CNTNAP2: variants seen among roughly 807,000 people sequenced by gnomAD.
CNTNAP2 encodes contactin-associated protein-like 2.
CNTNAP2 carries 98 observed loss-of-function variants against 155.2 expected under a neutral mutation model. That is an observed-to-expected ratio of 0.63 (90% CI 0.54 to 0.75). The LOEUF (loss-of-function observed/expected upper bound fraction) is 0.75. Among genes scored for constraint, CNTNAP2 ranks in the 30% least tolerant of loss-of-function variants. The pLI, the probability that CNTNAP2 is intolerant of heterozygous loss-of-function variation, is 0.00. For missense variants in CNTNAP2, 1,727 were observed against 1,688.1 expected (o/e 1.02, Z -0.40); for synonymous variants, 651 against 631.2 (o/e 1.03, Z -0.47).
At chr7:147,359,393 T>C (rs1796112391) in intron 9 of CNTNAP2, among the ~76,000 whole-genome samples, 1 of 152,144 alleles carries the variant, frequency 6.6e-6, no homozygotes, top group African/African-American at 2.4e-5. Context: ...TTCATCTCCC[T>C]TTTCCACCCT....
chr7:146,602,944 C>A (rs1798973952), intron 1 of CNTNAP2, among the ~76,000 whole-genome samples: 2 of 151,670 alleles, frequency 1.3e-5, no homozygotes, highest in Admixed American at 1.3e-4. Context: ...CAGATAACAG[C>A]ATGATTTTGC....
intron 15 of CNTNAP2, among the ~76,000 whole-genome samples, chr7:148,035,420 G>C (rs370759476): frequency 6.6e-6 from 1 of 152,232 alleles, no homozygotes; most frequent in South Asian, 2.1e-4. Flanking sequence ...GGGCGGCCTA[G>C]GGACTCTACT....
chr7:148,054,660 A>T (rs2707568), intron 15 of CNTNAP2, among the ~76,000 whole-genome samples: 2 of 151,966 alleles, frequency 1.3e-5, no homozygotes, highest in African/African-American at 4.8e-5. Context: ...TAACTCCAGG[A>T]TGTGTTCACA....
chr7:146,701,612 G>A (rs1260193229), intron 1 of CNTNAP2, among the ~76,000 whole-genome samples: 1 of 151,806 alleles, frequency 6.6e-6, no homozygotes, highest in Admixed American at 6.6e-5. Flanking sequence ...AATCCTACAG[G>A]CATTTAAATA....
intron 18 of CNTNAP2, among the ~76,000 whole-genome samples, chr7:148,184,729 T>C (rs1369061712): frequency 6.6e-6 from 1 of 152,304 alleles, no homozygotes; most frequent in East Asian, 1.9e-4. Flanking sequence ...GGGAATCTTA[T>C]ATTATATAGA....
At chr7:147,268,443 T>A (rs1359206824) in intron 8 of CNTNAP2, among the ~76,000 whole-genome samples, 3 of 152,038 alleles carry the variant, frequency 2.0e-5, no homozygotes, top group Non-Finnish European at 4.4e-5. Flanking sequence ...TTCTCACGCA[T>A]AAGTGGGAGT....
At chr7:146,902,878 G>A (rs1325240854) in intron 3 of CNTNAP2, among the ~76,000 whole-genome samples, 1 of 152,134 alleles carries the variant, frequency 6.6e-6, no homozygotes, top group African/African-American at 2.4e-5. Flanking sequence ...TCCGACGTGT[G>A]GTAAGGTCAT....
intron 13 of CNTNAP2, among the ~76,000 whole-genome samples, chr7:147,662,278 C>T (rs182208714): frequency 3.0e-4 from 46 of 152,310 alleles, no homozygotes; most frequent in South Asian, 1.4e-3. Flanking sequence ...ATCTCTATCA[C>T]AGCCTGAAGG....
intron 14 of CNTNAP2, among the ~76,000 whole-genome samples, chr7:147,934,448 G>A (rs1800568204): frequency 6.6e-6 from 1 of 152,160 alleles, no homozygotes; most frequent in Non-Finnish European, 1.5e-5. Flanking sequence ...TCACTATCAT[G>A]AGAACAGCAT....
intron 2 of CNTNAP2, among the ~76,000 whole-genome samples, chr7:146,823,871 T>C (rs747064288): frequency 6.6e-6 from 1 of 152,054 alleles, no homozygotes. Context: ...CACACAGACA[T>C]ATATTTTTTT....
intron 3 of CNTNAP2, among the ~76,000 whole-genome samples, chr7:146,929,063 C>G (rs1420803175): frequency 6.6e-6 from 1 of 152,212 alleles, no homozygotes; most frequent in African/African-American, 2.4e-5. Flanking sequence ...ATGTCCCTGT[C>G]TGACAGCTTT....
chr7:146,696,306 T>A (rs528786031), intron 1 of CNTNAP2, among the ~76,000 whole-genome samples: 5 of 152,328 alleles, frequency 3.3e-5, no homozygotes, highest in Non-Finnish European at 7.4e-5. Flanking sequence ...ATCAAATCTG[T>A]AAGCATGAAA....
chr7:146,892,643 G>A (rs1396335522), intron 3 of CNTNAP2, among the ~76,000 whole-genome samples: 1 of 152,108 alleles, frequency 6.6e-6, no homozygotes, highest in Non-Finnish European at 1.5e-5. Context: ...GGGCGTGGTG[G>A]CACATGCCTG....
chr7:146,151,641 T>TATATATATATATAC (rs1798040984), intron 1 of CNTNAP2, among the ~76,000 whole-genome samples: 1 of 18,944 alleles, frequency 5.3e-5, no homozygotes, highest in African/African-American at 1.3e-4. Flanking sequence ...ACGTGATATA[T>TATATATATATATAC]ATATATATAT....
chr7:146,177,755 G>C (rs891129558), intron 1 of CNTNAP2, among the ~76,000 whole-genome samples: 3 of 152,014 alleles, frequency 2.0e-5, no homozygotes, highest in African/African-American at 4.8e-5. Context: ...GAAATCCTTT[G>C]GCTCTTCCCT....
At chr7:148,128,464 G>A (rs931504796) in intron 16 of CNTNAP2, among the ~76,000 whole-genome samples, 3 of 152,152 alleles carry the variant, frequency 2.0e-5, no homozygotes, top group Admixed American at 2.0e-4. Flanking sequence ...CCAAAAAGAA[G>A]TTTGGAAGTG....
intron 13 of CNTNAP2, among the ~76,000 whole-genome samples, chr7:147,819,523 A>G (rs570949114): frequency 6.6e-6 from 1 of 152,320 alleles, no homozygotes; most frequent in South Asian, 2.1e-4. Flanking sequence ...TTAAGATATT[A>G]TATTTTAATT....
intron 1 of CNTNAP2, among the ~76,000 whole-genome samples, chr7:146,693,350 G>T (rs1403097943): frequency 2.0e-5 from 3 of 151,758 alleles, no homozygotes; most frequent in Non-Finnish European, 2.9e-5. Flanking sequence ...AAAAAAATCT[G>T]CAAGCAGAAA....
chr7:147,401,889 T>A (rs1796920283), intron 10 of CNTNAP2, among the ~76,000 whole-genome samples: 1 of 152,196 alleles, frequency 6.6e-6, no homozygotes, highest in Admixed American at 6.5e-5. Context: ...AACTCTTTTC[T>A]TTATAAATTA....
Sources: allele counts gnomAD v4.1 joint callset (sites outside exome capture counted in the v4.1 genomes callset), GRCh38; gene constraint gnomAD v4.1.1; transcripts MANE v1.5; gene names NCBI Gene and HGNC (gene_info 2026-07-23, HGNC 2026-07-21).